KAZN: variants seen among roughly 807,000 people sequenced by gnomAD.
The protein encoded by KAZN is kazrin.
In KAZN, 40 loss-of-function variants were observed where a neutral mutation model predicts 87.4. The observed-to-expected ratio is 0.46, with a 90% CI of 0.36 to 0.60. The LOEUF (loss-of-function observed/expected upper bound fraction) is 0.60. KAZN is among the 20% of genes least tolerant of loss of function. The probability of loss-of-function intolerance (pLI) is 0.00; values close to 1 mark genes in which losing one functional copy is unlikely to be tolerated. For synonymous variants in KAZN, 466 were observed against 458.3 expected (o/e 1.02, Z -0.22); for missense variants, 898 against 1,073.9 (o/e 0.84, Z 2.29).
Position 15,094,391 on chromosome 1 carries a change from C to G in KAZN, c.1428+6C>G. On this transcript the variant is annotated splice_donor_region_variant and intron_variant, in intron 9 of 14. Transcript: ENST00000376030. This position sits in a 1 kb window ranked among gnomAD's most constrained non-coding sequence, Gnocchi z 4.5. ...AGAACGTGAAGAGCGGGAAGGTAGG[C>G]AACTCCGGGCCCCCTATGGGATGCC... The G allele has an allele frequency of 6.2e-7, 1 of 1,608,170 alleles. No homozygotes were observed. The highest frequency in any genetic ancestry group is 8.5e-7 in the Non-Finnish European group (1 of 1,176,830).
At chr1:15,062,870 C>A (rs1638909296) in intron 6 of KAZN, 1 of 152,156 alleles carries the variant, frequency 6.6e-6, no homozygotes, top group African/African-American at 2.4e-5. Flanking sequence ...GTCTGAGGCT[C>A]CCTAGGAAAA....
At chr1:14,399,412 T>C (rs142988157) in intron 2 of KAZN, among the ~76,000 whole-genome samples, 1 of 152,254 alleles carries the variant, frequency 6.6e-6, no homozygotes, top group East Asian at 1.9e-4. Flanking sequence ...GTAGTAGTGT[T>C]CTATCAACAA....
intron 2 of KAZN, among the ~76,000 whole-genome samples, chr1:14,535,675 AAT>A (rs1472536228): frequency 5.3e-5 from 8 of 151,752 alleles, no homozygotes; most frequent in Admixed American, 1.3e-4. Flanking sequence ...AAAAAAAAAA[AAT>A]AAAAATAAAA....
At chr1:15,064,611 G>C (rs533087223) in intron 7 of KAZN, among the ~76,000 whole-genome samples, 1 of 152,212 alleles carries the variant, frequency 6.6e-6, no homozygotes, top group African/African-American at 2.4e-5. Context: ...GAGCAGCTCA[G>C]GTGCTTTCCA....
chr1:14,703,582 T>C (rs1035758275), intron 1 of KAZN, among the ~76,000 whole-genome samples: 2 of 152,204 alleles, frequency 1.3e-5, no homozygotes, highest in Admixed American at 1.3e-4. Context: ...AATTACCCAG[T>C]CTCAGGTATG....
chr1:14,599,196 A>C lies in KAZN; in HGVS notation c.199A>C (p.Met67Leu). The C allele has an allele frequency of 7.1e-7, 1 of 1,400,904 alleles. No homozygotes were observed. Among genetic ancestry groups the C allele is most frequent in the Non-Finnish European group, 9.3e-7 (1 of 1,079,418 alleles). 86.8% of individuals were successfully genotyped at this position (1,400,904 alleles called of 1,614,324 possible). A position where few individuals can be genotyped will look rare whatever the true frequency, so the allele number is the denominator to read the frequency against. ...GGCGGGGGACTCGGCGGCGACGAAC[A>C]TGGAGAACCCCCAGCTTGGAGCGCA... The part of the protein sequence containing the change: ...SAAGDSAATN[M>L]ENPQLGAQVL... The change falls in exon 1 of 15, where the codon ATG (methionine) becomes CTG (leucine). Residue 67 changes from methionine (M) to leucine (L), a missense_variant. Coordinates refer to ENST00000376030, the MANE Select transcript of KAZN (RefSeq NM_201628.3). This position sits in a 1 kb window ranked among gnomAD's most constrained non-coding sequence, Gnocchi z 4.4.
At chr1:14,926,322 G>GTC (rs1428375243) in intron 1 of KAZN, among the ~76,000 whole-genome samples, 1 of 152,186 alleles carries the variant, frequency 6.6e-6, no homozygotes, top group African/African-American at 2.4e-5. Flanking sequence ...TTTACTTTGT[G>GTC]TCTCTATAGA....
At chr1:14,005,455 A>G (rs1328955619) in intron 1 of KAZN, among the ~76,000 whole-genome samples, 1 of 152,100 alleles carries the variant, frequency 6.6e-6, no homozygotes, top group African/African-American at 2.4e-5. Context: ...GCAGTGCTGG[A>G]GGTTATTGGG....
intron 2 of KAZN, among the ~76,000 whole-genome samples, chr1:14,303,278 C>G (rs1216108784): frequency 6.6e-6 from 1 of 152,164 alleles, no homozygotes; most frequent in Non-Finnish European, 1.5e-5. Context: ...GTGTCTCACT[C>G]TGTTGCCCAG....
intron 1 of KAZN, among the ~76,000 whole-genome samples, chr1:14,162,591 C>T (rs1345868908): frequency 6.7e-6 from 1 of 148,632 alleles, no homozygotes. Context: ...GTTGCCCAGG[C>T]TGGAGTGCAG....
At chr1:14,819,562 T>A (rs1201999866) in intron 1 of KAZN, among the ~76,000 whole-genome samples, 2 of 152,070 alleles carry the variant, frequency 1.3e-5, no homozygotes, top group African/African-American at 4.8e-5. Flanking sequence ...AAATCCTACC[T>A]GAGTTTCCAG....
At chr1:14,984,548 G>A (rs1282862102) in intron 2 of KAZN, among the ~76,000 whole-genome samples, 1 of 152,072 alleles carries the variant, frequency 6.6e-6, no homozygotes. Flanking sequence ...CAATTGACAA[G>A]TCATAACCAT....
At chr1:14,002,204 C>T (rs564683228) in intron 1 of KAZN, among the ~76,000 whole-genome samples, 7 of 152,206 alleles carry the variant, frequency 4.6e-5, no homozygotes, top group South Asian at 2.1e-4. Flanking sequence ...ATGAACAGAC[C>T]GTTCTCAAAA....
intron 2 of KAZN, among the ~76,000 whole-genome samples, chr1:14,590,578 G>T (rs963549678): frequency 2.6e-5 from 4 of 152,176 alleles, no homozygotes; most frequent in Non-Finnish European, 5.9e-5. Context: ...GGTGACCTCA[G>T]TGTTGGGAAG....
At position 14,124,838 on chromosome 1, in the gene KAZN, AAG is replaced by A. The variant is rs1185129387; in HGVS notation, c.92-55593_92-55592del. Reference sequence around the variant, plus strand: ...TCTTGGCATGGAAATGTGGTTTGGAAAGAGACAAAATCCAGCTTTCACAAGAG... The same window carrying A: ...TCTTGGCATGGAAATGTGGTTTGGAAAGACAAAATCCAGCTTTCACAAGAG... On this transcript the variant is annotated intron_variant, in intron 1 of 16. Coordinates refer to the KAZN transcript ENST00000636203. 5.9e-5 allele frequency among the ~76,000 whole-genome samples: 9 copies of A among 152,298 alleles called. No individual in the cohort carries two copies. In the East Asian group the frequency reaches 1.7e-3, roughly 29 times the overall value.
chr1:14,513,751 T>C (rs2148449272), intron 2 of KAZN, among the ~76,000 whole-genome samples: 1 of 152,250 alleles, frequency 6.6e-6, no homozygotes, highest in African/African-American at 2.4e-5. Flanking sequence ...TTATGGAGGG[T>C]AATTACATAA....
At chr1:15,060,858 T>C (rs1394386035) in intron 6 of KAZN, 1 of 153,756 alleles carries the variant, frequency 6.5e-6, no homozygotes, top group African/African-American at 2.4e-5. Flanking sequence ...GGCAGACAGA[T>C]GGGCTCTGCA....
At chr1:14,909,719 A>G in intron 1 of KAZN, among the ~76,000 whole-genome samples, 1 of 151,990 alleles carries the variant, frequency 6.6e-6, no homozygotes, top group East Asian at 1.9e-4. Flanking sequence ...CATCCTTCCA[A>G]CCACAGTGCT....
At chr1:14,157,302 C>G (rs1645616237) in intron 1 of KAZN, among the ~76,000 whole-genome samples, 1 of 152,104 alleles carries the variant, frequency 6.6e-6, no homozygotes, top group Admixed American at 6.6e-5. Context: ...TGTTATAATA[C>G]TCTGTGTTTT....
Sources: gnomAD v4.1 joint callset for allele counts (sites outside exome capture counted in the v4.1 genomes callset) on GRCh38, gnomAD v4.1.1 for gene constraint, Gnocchi (gnomAD v3.1) non-coding constraint, MANE v1.5 for transcripts, NCBI Gene and HGNC (gene_info 2026-07-23, HGNC 2026-07-21) for gene names.